The following GINM1 variants were observed in gnomAD, a reference collection of about 807,000 sequenced individuals.
The protein encoded by GINM1 is glycosylated integral membrane protein 1.
Under a neutral mutation model 37.8 loss-of-function variants are expected in GINM1, and 29 were observed. That is an observed-to-expected ratio of 0.77 (90% CI 0.57 to 1.05). GINM1 has a LOEUF of 1.05. Among genes scored for constraint, GINM1 ranks in the 50% least tolerant of loss-of-function variants. GINM1 has a pLI of 0.00. For synonymous variants in GINM1, 143 were observed against 146.2 expected (o/e 0.98, Z 0.16); for missense variants, 377 against 397.9 (o/e 0.95, Z 0.45).
At chr6:149,580,525 A>G in intron 5 of GINM1, 68 bp from the exon 6 acceptor site, 2 of 1,378,266 alleles carry the variant, frequency 1.5e-6, no homozygotes, top group South Asian at 1.4e-5. Context: ...TGCTATTGGT[A>G]TCGTAATCTT....
At chr6:149,587,137 A>G (rs1453201305) in intron 7 of GINM1, among the ~76,000 whole-genome samples, 1 of 152,132 alleles carries the variant, frequency 6.6e-6, no homozygotes, top group Non-Finnish European at 1.5e-5. Flanking sequence ...TATTCTTTTT[A>G]TGGCTGCATA....
chr6:149,580,824 G>A, intron 6 of GINM1, 101 bp downstream of exon 6: 1 of 1,000,926 alleles, frequency 1.0e-6, no homozygotes, highest in Admixed American at 2.1e-5. Context: ...GAATGGAACT[G>A]TAGAGCATTG....
intron 6 of GINM1, chr6:149,582,219 A>G (rs1778013601): frequency 5.1e-6 from 3 of 589,620 alleles, no homozygotes; most frequent in Admixed American, 2.7e-5. Context: ...GTTAGAACAT[A>G]ATTTTTAAAG....
rs772842903 is a variant in GINM1 at position 149,590,866 on chromosome 6, A to C, written c.*28A>C. On this transcript the variant is annotated 3_prime_UTR_variant, in exon 8 of 8. Transcript: ENST00000367419. The stretch of plus-strand genomic sequence containing the variant: ...CGCCATCTCATATCATGGACTCCGA[A>C]GTAGCCTGTTGCCTCCAAATTTGCC... 4 of 1,095,454 alleles carry C rather than the reference A, an allele frequency of 3.7e-6. No homozygotes were observed. In the South Asian group the frequency reaches 5.2e-5, roughly 14 times the overall value. 67.9% of individuals were successfully genotyped at this position (1,095,454 alleles called of 1,614,324 possible). A position where few individuals can be genotyped will look rare whatever the true frequency, so the allele number is the denominator to read the frequency against.
Position 149,590,893 on chromosome 6 carries a change from C to A in GINM1, c.*55C>A, listed in dbSNP as rs1390238290. On this transcript the variant is annotated 3_prime_UTR_variant, in exon 8 of 8. Transcript: ENST00000367419. Reference sequence around the variant, plus strand: ...TAGCCTGTTGCCTCCAAATTTGCCACTTGAATATAATTTTCTTTAAATCGT... The same window carrying A: ...TAGCCTGTTGCCTCCAAATTTGCCAATTGAATATAATTTTCTTTAAATCGT... 4 of 792,462 alleles carry A rather than the reference C, an allele frequency of 5.0e-6. No homozygotes were observed. Among genetic ancestry groups the A allele is most frequent in the Non-Finnish European group, 8.6e-6 (4 of 463,016 alleles). 49.1% of individuals were successfully genotyped at this position (792,462 alleles called of 1,614,324 possible). A position where few individuals can be genotyped will look rare whatever the true frequency, so the allele number is the denominator to read the frequency against.
intron 7 of GINM1, among the ~76,000 whole-genome samples, chr6:149,588,181 A>G (rs750609692): frequency 2.0e-5 from 3 of 152,204 alleles, no homozygotes; most frequent in Non-Finnish European, 4.4e-5. Flanking sequence ...TAATTGTATT[A>G]ACTCCTTACA....
chr6:149,572,376 T>A (rs765543199), intron 2 of GINM1, 32 bp downstream of exon 2: 1 of 1,446,250 alleles, frequency 6.9e-7, no homozygotes, highest in Admixed American at 1.9e-5. Flanking sequence ...TAATATATAA[T>A]TTAGCTAAGT....
At chr6:149,573,612 G>A (rs905748703) in intron 3 of GINM1, among the ~76,000 whole-genome samples, 2 of 151,946 alleles carry the variant, frequency 1.3e-5, no homozygotes, top group African/African-American at 4.8e-5. Flanking sequence ...GGGGCATGGC[G>A]GCTCTAGCAC....
intron 1 of GINM1, among the ~76,000 whole-genome samples, chr6:149,570,839 T>C (rs1211913510): frequency 6.6e-6 from 1 of 152,190 alleles, no homozygotes; most frequent in Non-Finnish European, 1.5e-5. Context: ...AAGAATTTGA[T>C]TTAGAAATGA....
intron 1 of GINM1, among the ~76,000 whole-genome samples, chr6:149,568,975 G>C (rs979731644): frequency 1.3e-5 from 2 of 151,058 alleles, no homozygotes; most frequent in Non-Finnish European, 2.9e-5. Flanking sequence ...GGTACTACTG[G>C]CGCGTGCCAC....
At chr6:149,589,518 C>A (rs1778122338) in intron 7 of GINM1, among the ~76,000 whole-genome samples, 1 of 152,068 alleles carries the variant, frequency 6.6e-6, no homozygotes, top group Non-Finnish European at 1.5e-5. Context: ...GGTGATCCAC[C>A]CACCTCAGCC....
intron 1 of GINM1, among the ~76,000 whole-genome samples, chr6:149,571,392 A>G (rs1439916176): frequency 1.3e-5 from 2 of 152,176 alleles, no homozygotes; most frequent in Non-Finnish European, 2.9e-5. Context: ...TCCGTGGGTA[A>G]TAGAATAAAT....
Position 149,579,941 on chromosome 6 carries a change from T to A in GINM1, c.537T>A (p.Ile179=). 1 of 1,610,716 alleles carries A rather than the reference T, an allele frequency of 6.2e-7. No individual in the cohort carries two copies. Among genetic ancestry groups the A allele is most frequent in the Non-Finnish European group, 8.5e-7 (1 of 1,177,718 alleles). ...LPLEESMLYS[I]SRDSDILFTL... The stretch of plus-strand genomic sequence containing the variant: ...TGGAAGAAAGCATGCTCTACTCTAT[T>A]TCTCGAGACAGTGACATTTTATTTA... The change falls in exon 5 of 8, where the codon ATT becomes ATA. Residue 179 remains isoleucine, a synonymous_variant. Transcript: ENST00000367419.
chr6:149,576,093 C>T (rs1777910269), intron 3 of GINM1: 1 of 152,182 alleles, frequency 6.6e-6, no homozygotes, highest in East Asian at 1.9e-4. Flanking sequence ...TTCTGTAGGT[C>T]GAGAATCTGA....
intron 4 of GINM1, 137 bp downstream of exon 4, chr6:149,579,110 G>T (rs1777959970): frequency 2.2e-6 from 1 of 462,178 alleles, no homozygotes; most frequent in South Asian, 6.4e-5. Flanking sequence ...CAATTATTTA[G>T]AATTTTTGTA....
At chr6:149,584,164 T>C (rs1364763471) in intron 7 of GINM1, among the ~76,000 whole-genome samples, 1 of 151,968 alleles carries the variant, frequency 6.6e-6, no homozygotes, top group African/African-American at 2.4e-5. Context: ...TTAGTAGAGA[T>C]GGGGTTTTTC....
In GINM1 at chr6:149,582,476, C is replaced by T. The variant is rs867257840; in HGVS notation, c.754C>T (p.Leu252=). The change falls in exon 7 of 8, where the codon CTG becomes TTG. Residue 252 remains leucine, a synonymous_variant. Coordinates refer to ENST00000367419, the MANE Select transcript of GINM1 (RefSeq NM_138785.5). ...GTGGATGGAAAAGTTTAGAAAAGAT[C>T]TGTGTAGGTTCTGGAGCAACGTTTT... ...CQWMEKFRKD[L]CRFWSNVFPV... 24 of 1,608,960 alleles carry T rather than the reference C, an allele frequency of 1.5e-5. No homozygotes were observed. In the Middle Eastern group the frequency reaches 3.8e-3, roughly 255 times the overall value.
At chr6:149,579,793 C>CA (rs769110446) in intron 4 of GINM1, 41 bp from the exon 5 acceptor site, 1 of 1,296,068 alleles carries the variant, frequency 7.7e-7, no homozygotes. Context: ...TGGGGCTGTG[C>CA]TACTATTTAA....
chr6:149,579,972 C>T lies in GINM1; in HGVS notation c.568C>T (p.Pro190Ser). 6.3e-7 allele frequency: 1 copy of T among 1,588,334 alleles called. No individual in the cohort carries two copies. The highest frequency in any genetic ancestry group is 1.2e-5 in the South Asian group (1 of 86,456). ...AGACAGTGACATTTTATTTACCCTT[C>T]CTAACCTCTCCAAAAAAGGTAACTT... ...SRDSDILFTL[P>S]NLSKKESVSS... The change falls in exon 5 of 8, where the codon CCT (proline) becomes TCT (serine). Residue 190 changes from proline to serine, a missense_variant. Coordinates refer to ENST00000367419, the MANE Select transcript of GINM1 (RefSeq NM_138785.5).
Sources: allele counts gnomAD v4.1 joint callset (sites outside exome capture counted in the v4.1 genomes callset), GRCh38; gene constraint gnomAD v4.1.1; transcripts MANE v1.5; gene names NCBI Gene and HGNC (gene_info 2026-07-23, HGNC 2026-07-21).